Variants in TRPM7 observed in about 807,000 individuals in gnomAD.
TRPM7 encodes the protein transient receptor potential cation channel subfamily M member 7.
A neutral mutation model predicts 229.7 loss-of-function variants in TRPM7; 134 were observed. That is an observed-to-expected ratio of 0.58 (90% confidence interval 0.51 to 0.67). The LOEUF (loss-of-function observed/expected upper bound fraction) is 0.67, where lower values mean the gene tolerates loss of function less well. Among genes scored for constraint, TRPM7 ranks in the 30% least tolerant of loss-of-function variants. The pLI is 0.00. For synonymous variants in TRPM7, 699 were observed against 715.2 expected, an observed-to-expected ratio of 0.98 and a Z score of 0.36; for missense variants, 1,901 against 2,210.0, an observed-to-expected ratio of 0.86 and a Z score of 2.80.
intron 15 of TRPM7, 117 bp from the exon 16 acceptor site, chr15:50,612,946 G>T: frequency 3.7e-6 from 3 of 806,502 alleles, no homozygotes; most frequent in Non-Finnish European, 5.4e-6. Context: ...CTGCACAATA[G>T]CATAAATTTT....
At chr15:50,662,790 T>C (rs1220486339) in intron 2 of TRPM7, among the ~76,000 whole-genome samples, 177 bp downstream of exon 2, 1 of 152,162 alleles carries the variant, frequency 6.6e-6, no homozygotes, top group Non-Finnish European at 1.5e-5. Flanking sequence ...AAAATACTGA[T>C]TTCAGTGCTG....
At chr15:50,658,197 G>C (rs2061631870) in intron 2 of TRPM7, among the ~76,000 whole-genome samples, 1 of 151,704 alleles carries the variant, frequency 6.6e-6, no homozygotes, top group Admixed American at 6.6e-5. Context: ...ACTAGAGATG[G>C]GATTTCACTG....
In TRPM7 at chr15:50,652,328, C is replaced by CAAAAAAAAA. The variant is rs34122648; in HGVS notation, c.123-3452_123-3444dup. ...AGCCTGGCTGAGTGAGACTCCATCT[C>CAAAAAAAAA]AAAAAAAAAAAAAAAAAAAAAAAAA... On this transcript the variant is annotated intron_variant, in intron 3 of 38. Coordinates refer to ENST00000646667, the MANE Select transcript of TRPM7 (RefSeq NM_017672.6). Among the ~76,000 whole-genome samples the CAAAAAAAAA allele has an allele frequency of 1.1e-3, 39 of 34,230 alleles. 2 individuals carry two copies. Among genetic ancestry groups the CAAAAAAAAA allele is most frequent in the East Asian group, 3.0e-3 (3 of 998 alleles). 22.5% of individuals were successfully genotyped at this position (34,230 alleles called of 152,430 possible). A position where few individuals can be genotyped will look rare whatever the true frequency, so the allele number is the denominator to read the frequency against.
chr15:50,648,230 G>T (rs2061325649), intron 4 of TRPM7, among the ~76,000 whole-genome samples: 2 of 151,784 alleles, frequency 1.3e-5, no homozygotes, highest in Admixed American at 1.3e-4. Flanking sequence ...TAAATAATAT[G>T]CTAATAAAGG....
intron 3 of TRPM7, among the ~76,000 whole-genome samples, chr15:50,650,021 G>A (rs973092497): frequency 4.6e-5 from 7 of 151,264 alleles, no homozygotes; most frequent in Non-Finnish European, 1.0e-4. Flanking sequence ...ATGGTGAACC[G>A]TCTCTACTAA....
Position 50,672,545 on chromosome 15 carries a change from G to A in TRPM7, c.4-9499C>T, listed in dbSNP as rs1337800825. ...TGATCCTGACCCCGTGTAGGCCTAG[G>A]CTAACGTGTATATTTGTGCCTTAGG... On this transcript the variant is annotated intron_variant, in intron 1 of 38. Transcript: ENST00000646667. Among the ~76,000 whole-genome samples the A allele has an allele frequency of 1.3e-5, 2 of 152,082 alleles. 1 individual carries two copies. The highest frequency in any genetic ancestry group is 4.2e-4 in the South Asian group (2 of 4,794).
intron 4 of TRPM7, among the ~76,000 whole-genome samples, chr15:50,646,110 CAA>C (rs67338843): frequency 0.13 from 15,025 of 116,394 alleles, 784 homozygotes; most frequent in African/African-American, 0.17. Context: ...GAGCGAGTCT[CAA>C]AAAAAAAAAA....
chr15:50,575,686 A>T (rs1310472921), intron 33 of TRPM7, 38 bp downstream of exon 33: 3 of 1,552,726 alleles, frequency 1.9e-6, no homozygotes, highest in Non-Finnish European at 1.8e-6. Context: ...TTAAAGGGTT[A>T]ATTTTCACTT....
At chr15:50,637,627 G>A in intron 6 of TRPM7, 34 bp from the exon 7 acceptor site, 1 of 1,573,952 alleles carries the variant, frequency 6.4e-7, no homozygotes, top group South Asian at 1.2e-5. Flanking sequence ...TTAGTGAGCA[G>A]GATTAAATAC....
chr15:50,602,327 GAAC>G (rs201278402), intron 21 of TRPM7, among the ~76,000 whole-genome samples: 4,514 of 152,146 alleles, frequency 0.03, 244 homozygotes, highest in African/African-American at 0.1. Flanking sequence ...GGTGGGAACT[GAAC>G]AACGAGAACA....
rs114430552 is a variant in TRPM7, at chr15:50,646,833, C to T, written c.321+1854G>A. ...AATATTATAATACCATACTTCTGTACCTTTTTCTTGTTTATATATATTTAG... is the reference window on the plus strand; with the variant it reads ...AATATTATAATACCATACTTCTGTATCTTTTTCTTGTTTATATATATTTAG... On this transcript the variant is annotated intron_variant, in intron 4 of 38. Transcript: ENST00000646667. Among the ~76,000 whole-genome samples, 367 of 152,258 alleles carry T rather than the reference C, an allele frequency of 2.4e-3. 1 individual carries two copies. The highest frequency in any genetic ancestry group is 8.5e-3 in the African/African-American group (355 of 41,548).
chr15:50,656,219 C>T lies in TRPM7; in HGVS notation c.122+1562G>A, dbSNP rs569402048. Among the ~76,000 whole-genome samples the T allele has an allele frequency of 9.9e-4, 151 of 152,218 alleles. 1 individual carries two copies. Among genetic ancestry groups the T allele is most frequent in the African/African-American group, 3.4e-3 (142 of 41,534 alleles). On this transcript the variant is annotated intron_variant, in intron 3 of 38. Coordinates refer to ENST00000646667, the MANE Select transcript of TRPM7 (RefSeq NM_017672.6). ...GTCAAACAAGAGACACCAGATGGAACCTCACCATCTATAAGAAGAAATGAA... is the reference window on the plus strand; with the variant it reads ...GTCAAACAAGAGACACCAGATGGAATCTCACCATCTATAAGAAGAAATGAA...
chr15:50,610,550 TAA>T (rs771438418), intron 17 of TRPM7, among the ~76,000 whole-genome samples: 1 of 152,096 alleles, frequency 6.6e-6, no homozygotes, highest in Non-Finnish European at 1.5e-5. Flanking sequence ...CACCTTATTT[TAA>T]AAGATATAAG....
At chr15:50,584,514 G>A (rs924233092) in intron 28 of TRPM7, among the ~76,000 whole-genome samples, 18 of 151,996 alleles carry the variant, frequency 1.2e-4, no homozygotes, top group African/African-American at 4.4e-4. Flanking sequence ...AACAGATACG[G>A]CCTAAAACTG....
chr15:50,673,773 T>G (rs972137048), intron 1 of TRPM7, among the ~76,000 whole-genome samples: 5 of 152,176 alleles, frequency 3.3e-5, no homozygotes, highest in Non-Finnish European at 7.3e-5. Flanking sequence ...TAATGACTTA[T>G]TTTCCTCTGG....
At chr15:50,671,722 A>T (rs1479626222) in intron 1 of TRPM7, among the ~76,000 whole-genome samples, 1 of 151,948 alleles carries the variant, frequency 6.6e-6, no homozygotes, top group East Asian at 1.9e-4. Flanking sequence ...AGGTGGGAGG[A>T]TCATTTGAGC....
At chr15:50,656,150 G>C (rs942943828) in intron 3 of TRPM7, among the ~76,000 whole-genome samples, 1 of 152,012 alleles carries the variant, frequency 6.6e-6, no homozygotes, top group African/African-American at 2.4e-5. Flanking sequence ...GTTCAGTGTA[G>C]CTGCACTATA....
At chr15:50,593,563 A>T in intron 25 of TRPM7, 54 bp downstream of exon 25, 1 of 1,557,234 alleles carries the variant, frequency 6.4e-7, no homozygotes, top group Non-Finnish European at 8.7e-7. Context: ...AAGAAATATA[A>T]CGAATAGATC....
intron 1 of TRPM7, among the ~76,000 whole-genome samples, chr15:50,674,896 G>A (rs944022595): frequency 6.6e-6 from 1 of 152,106 alleles, no homozygotes; most frequent in Non-Finnish European, 1.5e-5. Flanking sequence ...TTTTCCAAGA[G>A]CTGGAAACCA....
Sources: gnomAD v4.1 joint callset for allele counts (sites outside exome capture counted in the v4.1 genomes callset) on GRCh38, gnomAD v4.1.1 for gene constraint, MANE v1.5 for transcripts, NCBI Gene and HGNC (gene_info 2026-07-23, HGNC 2026-07-21) for gene names.